The following CRY1 variants were observed in gnomAD, a reference collection of about 807,000 sequenced individuals.
The protein encoded by CRY1 is cryptochrome-1.
CRY1 carries 45 observed loss-of-function variants against 76.0 expected under a neutral mutation model. The ratio of observed to expected loss-of-function variants is 0.59; its 90% CI spans 0.47 to 0.76. CRY1 has a LOEUF of 0.76. CRY1 is among the 30% of genes least tolerant of loss of function. CRY1 has a pLI of 0.00. For synonymous variants in CRY1, 248 were observed against 244.0 expected (o/e 1.02, Z -0.15); for missense variants, 587 against 716.4 (o/e 0.82, Z 2.06).
intron 1 of CRY1, among the ~76,000 whole-genome samples, chr12:107,068,862 G>A (rs1370393821): frequency 6.6e-6 from 1 of 152,022 alleles, no homozygotes; most frequent in African/African-American, 2.4e-5. Flanking sequence ...TTGGTGTCTG[G>A]TTTCTTTCAC....
intron 1 of CRY1, among the ~76,000 whole-genome samples, chr12:107,045,653 T>G (rs1205800563): frequency 6.6e-6 from 1 of 152,134 alleles, no homozygotes; most frequent in Admixed American, 6.6e-5. Flanking sequence ...CTTTAATCCA[T>G]CTTGAATTAA....
intron 1 of CRY1, among the ~76,000 whole-genome samples, chr12:107,024,845 TAAC>T (rs1565828618): frequency 1.3e-5 from 2 of 152,206 alleles, no homozygotes; most frequent in African/African-American, 4.8e-5. Flanking sequence ...TCCACAGATA[TAAC>T]TTACATCTCT....
Position 106,996,484 on chromosome 12 carries a change from C to T in CRY1, c.1585+810G>A, listed in dbSNP as rs548040551. On this transcript the variant is annotated intron_variant, in intron 10 of 12. Transcript: ENST00000008527. ...TGATTTATATTCCTTTGGGTATATA[C>T]CCAGTAATGGGATTGCTCAGTCAAA... Among the ~76,000 whole-genome samples, 21 of 152,282 alleles carry T rather than the reference C, an allele frequency of 1.4e-4. No homozygotes were observed. The South Asian group carries it at 4.3e-3, about 32-fold the overall frequency.
intron 1 of CRY1, among the ~76,000 whole-genome samples, chr12:107,071,368 C>T (rs1284273652): frequency 6.6e-6 from 1 of 152,150 alleles, no homozygotes; most frequent in Admixed American, 6.6e-5. Context: ...CTCTGATCTA[C>T]TAATATAATG....
chr12:107,021,854 G>A (rs970695511), intron 2 of CRY1, among the ~76,000 whole-genome samples: 1 of 152,046 alleles, frequency 6.6e-6, no homozygotes, highest in Admixed American at 6.6e-5. Flanking sequence ...GGAGGGCAAC[G>A]AGCAGTTTAA....
At chr12:107,020,293 T>A (rs1033505818) in intron 2 of CRY1, among the ~76,000 whole-genome samples, 1 of 151,194 alleles carries the variant, frequency 6.6e-6, no homozygotes, top group African/African-American at 2.4e-5. Flanking sequence ...GAAATACAAA[T>A]AGAAACATTG....
At chr12:107,089,630 T>C (rs1235242239) in intron 1 of CRY1, among the ~76,000 whole-genome samples, 2 of 152,152 alleles carry the variant, frequency 1.3e-5, no homozygotes, top group African/African-American at 4.8e-5. Context: ...AATCCAAAAG[T>C]CTAAAAAGTG....
chr12:107,053,849 A>G lies in CRY1; in HGVS notation c.159-31657T>C, dbSNP rs373835043. Among the ~76,000 whole-genome samples the G allele has an allele frequency of 6.6e-5, 10 of 152,264 alleles. No homozygotes were observed. The East Asian group carries it at 1.9e-3, about 29-fold the overall frequency. ...AAAATTAGACAAAAAGAAACAAGATATTACCCCCAAAAAAAGTATGAGTGG... is the reference window on the plus strand; with the variant it reads ...AAAATTAGACAAAAAGAAACAAGATGTTACCCCCAAAAAAAGTATGAGTGG... On this transcript the variant is annotated intron_variant, in intron 1 of 12. Transcript: ENST00000008527.
intron 1 of CRY1, among the ~76,000 whole-genome samples, chr12:107,037,446 C>A (rs543652651): frequency 1.3e-5 from 2 of 152,092 alleles, no homozygotes; most frequent in East Asian, 3.9e-4. Flanking sequence ...GCAGGAGAAT[C>A]ACTTGAAACT....
At chr12:107,042,285 T>C (rs1413314677) in intron 1 of CRY1, among the ~76,000 whole-genome samples, 9 of 152,162 alleles carry the variant, frequency 5.9e-5, no homozygotes, top group Non-Finnish European at 1.3e-4. Context: ...CTAAAATTCA[T>C]GGTTGAATGT....
At chr12:107,001,718 G>C (rs555474309) in intron 4 of CRY1, 46 bp downstream of exon 4, 6 of 1,431,508 alleles carry the variant, frequency 4.2e-6, no homozygotes, top group Non-Finnish European at 5.6e-6. Context: ...AGTAATTTAT[G>C]ATTTATTAAC....
chr12:107,088,278 C>A (rs1953427439), intron 1 of CRY1, among the ~76,000 whole-genome samples: 3 of 152,078 alleles, frequency 2.0e-5, no homozygotes, highest in Admixed American at 2.0e-4. Flanking sequence ...TAAAAAGAGA[C>A]TGGTATCCCT....
intron 2 of CRY1, among the ~76,000 whole-genome samples, chr12:107,016,179 G>A (rs1048723240): frequency 6.6e-6 from 1 of 151,930 alleles, no homozygotes; most frequent in Non-Finnish European, 1.5e-5. Flanking sequence ...GCATGGTGGC[G>A]CACTCCTGTA....
intron 1 of CRY1, among the ~76,000 whole-genome samples, chr12:107,029,417 T>C (rs1185751765): frequency 6.6e-6 from 1 of 151,450 alleles, no homozygotes; most frequent in African/African-American, 2.4e-5. Context: ...CATAGGGAGA[T>C]CTCATCTCTA....
At chr12:107,033,475 T>C (rs1463847893) in intron 1 of CRY1, among the ~76,000 whole-genome samples, 1 of 152,168 alleles carries the variant, frequency 6.6e-6, no homozygotes, top group Non-Finnish European at 1.5e-5. Flanking sequence ...TATAAACTAA[T>C]TTCACTCATG....
At chr12:107,091,062 C>T (rs1287935488) in intron 1 of CRY1, among the ~76,000 whole-genome samples, 5 of 149,484 alleles carry the variant, frequency 3.3e-5, no homozygotes, top group Non-Finnish European at 3.0e-5. Flanking sequence ...TTTTTTCTTG[C>T]GACAGAGTAC....
chr12:107,065,321 G>A (rs1345110184), intron 1 of CRY1, among the ~76,000 whole-genome samples: 6 of 151,658 alleles, frequency 4.0e-5, no homozygotes, highest in Middle Eastern at 3.4e-3. Flanking sequence ...GGCCGGGCGC[G>A]GTGGCTCACA....
chr12:106,991,530 A>AATTTGG lies in CRY1; in HGVS notation c.*466_*471dup, dbSNP rs1952180423. On this transcript the variant is annotated 3_prime_UTR_variant, in exon 13 of 13. Transcript: ENST00000008527. ...CTGTGTTAACAGAGGCTACAATACCAATTTGGATTACGCACATTATCTAAA... is the reference window on the plus strand; with the variant it reads ...CTGTGTTAACAGAGGCTACAATACCAATTTGGATTTGGATTACGCACATTATCTAAA... The AATTTGG allele has an allele frequency of 1.3e-5, 2 of 152,612 alleles. No homozygotes were observed. The highest frequency in any genetic ancestry group is 4.8e-5 in the African/African-American group (2 of 41,462). 9.5% of individuals were successfully genotyped at this position (152,612 alleles called of 1,614,324 possible).
In CRY1 at chr12:106,993,013, A is replaced by G. The variant is rs1248777534; in HGVS notation, c.1609T>C (p.Leu537=). Reference sequence around the variant, plus strand: ...TGACTGTCGCCATGAGCATAGTGTAAAATACCACTCCCTTGAGAGCAACCT... The same window carrying G: ...TGACTGTCGCCATGAGCATAGTGTAGAATACCACTCCCTTGAGAGCAACCT... ...SGSCSQGSGI[L]HYAHGDSQQT... The change falls in exon 11 of 13, where the codon TTA becomes CTA. Residue 537 remains leucine (L), a synonymous_variant. Transcript: ENST00000008527. 3 of 1,613,958 alleles carry G rather than the reference A, an allele frequency of 1.9e-6. No homozygotes were observed. In the East Asian group the frequency reaches 6.7e-5, roughly 36 times the overall value.
Sources: gnomAD v4.1 joint callset for allele counts (sites outside exome capture counted in the v4.1 genomes callset) on GRCh38, gnomAD v4.1.1 for gene constraint, MANE v1.5 for transcripts, NCBI Gene and HGNC (gene_info 2026-07-23, HGNC 2026-07-21) for gene names.